The following LUZP2 variants were observed in gnomAD, a reference collection of about 807,000 sequenced individuals.
The protein encoded by LUZP2 is leucine zipper protein 2.
A neutral mutation model predicts 51.6 loss-of-function variants in LUZP2; 52 were observed. That is an observed-to-expected ratio of 1.01 (90% CI 0.81 to 1.27). The LOEUF (loss-of-function observed/expected upper bound fraction) is 1.27, where lower values mean the gene tolerates loss of function less well. LUZP2 is among the 50% of genes most tolerant of loss of function. The pLI is 0.00. For missense variants in LUZP2, 436 were observed against 395.4 expected (o/e 1.10, Z -0.87); for synonymous variants, 154 against 137.3 (o/e 1.12, Z -0.85).
chr11:24,681,531 C>G (rs964867676), intron 1 of LUZP2, among the ~76,000 whole-genome samples: 1 of 152,016 alleles, frequency 6.6e-6, no homozygotes. Context: ...GTGGTAGGAA[C>G]GAAATAGATA....
chr11:24,734,518 TA>T, intron 3 of LUZP2, among the ~76,000 whole-genome samples: 1 of 151,976 alleles, frequency 6.6e-6, no homozygotes, highest in Non-Finnish European at 1.5e-5. Context: ...TAGTTTTATC[TA>T]AAATTAAAAA....
chr11:24,585,602 T>TA (rs535769158), intron 1 of LUZP2, among the ~76,000 whole-genome samples: 3 of 152,174 alleles, frequency 2.0e-5, no homozygotes, highest in East Asian at 3.9e-4. Flanking sequence ...TTTAGAATGT[T>TA]AAAAAAACAA....
intron 1 of LUZP2, among the ~76,000 whole-genome samples, chr11:24,524,566 A>G (rs1850735845): frequency 6.6e-6 from 1 of 151,780 alleles, no homozygotes; most frequent in Non-Finnish European, 1.5e-5. Context: ...ATTTTTACTA[A>G]GCAAGAGCAC....
chr11:24,699,335 T>C (rs974468670), intron 1 of LUZP2, among the ~76,000 whole-genome samples: 4 of 152,162 alleles, frequency 2.6e-5, no homozygotes, highest in African/African-American at 7.2e-5. Context: ...AAATTTTTGG[T>C]GCAAAAACTT....
chr11:24,854,666 T>G (rs1329731909), intron 5 of LUZP2, among the ~76,000 whole-genome samples: 1 of 23,140 alleles, frequency 4.3e-5, no homozygotes. Context: ...CACTGGGATA[T>G]GAAAAAAAAA....
intron 9 of LUZP2, among the ~76,000 whole-genome samples, chr11:25,047,212 C>A (rs953993640): frequency 6.6e-6 from 1 of 152,038 alleles, no homozygotes; most frequent in Non-Finnish European, 1.5e-5. Context: ...TTCTTTTTAA[C>A]CTGTTTCCTC....
At chr11:24,934,067 C>A (rs1445566514) in intron 7 of LUZP2, among the ~76,000 whole-genome samples, 1 of 152,082 alleles carries the variant, frequency 6.6e-6, no homozygotes, top group Non-Finnish European at 1.5e-5. Flanking sequence ...TACATTATCG[C>A]AAGGGCAGGG....
chr11:24,557,826 T>A (rs946839242), intron 1 of LUZP2, among the ~76,000 whole-genome samples: 42 of 152,306 alleles, frequency 2.8e-4, no homozygotes, highest in African/African-American at 9.9e-4. Flanking sequence ...ATTAGGGATA[T>A]TCAGATAGCT....
chr11:24,695,014 A>G (rs1445629136), intron 1 of LUZP2, among the ~76,000 whole-genome samples: 1 of 151,974 alleles, frequency 6.6e-6, no homozygotes, highest in Non-Finnish European at 1.5e-5. Context: ...TGATAAGTGC[A>G]GCAAACCACC....
At chr11:24,512,861 T>A (rs1360184822) in intron 1 of LUZP2, among the ~76,000 whole-genome samples, 2 of 152,100 alleles carry the variant, frequency 1.3e-5, no homozygotes, top group Admixed American at 1.3e-4. Context: ...GCAATTCTCC[T>A]GCCTCAGCCC....
At chr11:24,553,107 G>C (rs1337957384) in intron 1 of LUZP2, among the ~76,000 whole-genome samples, 1 of 151,310 alleles carries the variant, frequency 6.6e-6, no homozygotes, top group Non-Finnish European at 1.5e-5. Context: ...TGAGTCAATG[G>C]GAAATAACAG....
intron 1 of LUZP2, among the ~76,000 whole-genome samples, chr11:24,698,766 T>G (rs1857328459): frequency 6.6e-6 from 1 of 152,036 alleles, no homozygotes; most frequent in African/African-American, 2.4e-5. Context: ...CATCCCTTCT[T>G]AAAACCAGTT....
intron 7 of LUZP2, among the ~76,000 whole-genome samples, chr11:24,971,955 C>T (rs529147134): frequency 6.6e-6 from 1 of 151,864 alleles, no homozygotes; most frequent in South Asian, 2.1e-4. Context: ...GCATGGCCAC[C>T]ATGGCAAGAT....
chr11:24,917,820 T>C (rs1400090829), intron 7 of LUZP2, among the ~76,000 whole-genome samples: 1 of 152,160 alleles, frequency 6.6e-6, no homozygotes, highest in Non-Finnish European at 1.5e-5. Context: ...CAATGCGGGC[T>C]CTTTTTTGGT....
At chr11:24,979,892 T>G (rs1386531731) in intron 8 of LUZP2, among the ~76,000 whole-genome samples, 1 of 151,742 alleles carries the variant, frequency 6.6e-6, no homozygotes, top group East Asian at 1.9e-4. Flanking sequence ...GAATGAGAAA[T>G]CTTTTTGCAA....
At chr11:24,960,022 C>T in intron 7 of LUZP2, among the ~76,000 whole-genome samples, 1 of 152,068 alleles carries the variant, frequency 6.6e-6, no homozygotes, top group Non-Finnish European at 1.5e-5. Context: ...TGGTTTTTGT[C>T]TTTGGTTCTG....
intron 5 of LUZP2, among the ~76,000 whole-genome samples, chr11:24,778,812 A>G (rs570324832): frequency 1.1e-4 from 17 of 152,352 alleles, no homozygotes; most frequent in Admixed American, 2.6e-4. Flanking sequence ...AGGTTTGCAT[A>G]AAATGATCCC....
chr11:24,891,823 G>T, intron 5 of LUZP2: 1 of 840,798 alleles, frequency 1.2e-6, no homozygotes, highest in Non-Finnish European at 1.4e-6. Context: ...ATTGGGATAC[G>T]CTGCAACACT....
intron 7 of LUZP2, among the ~76,000 whole-genome samples, chr11:24,955,709 G>T (rs896223388): frequency 2.0e-5 from 3 of 151,916 alleles, no homozygotes; most frequent in African/African-American, 7.2e-5. Flanking sequence ...CATGACCAGG[G>T]ATATAAGGCA....
Sources: gnomAD v4.1 joint callset for allele counts (sites outside exome capture counted in the v4.1 genomes callset) on GRCh38, gnomAD v4.1.1 for gene constraint, MANE v1.5 for transcripts, NCBI Gene and HGNC (gene_info 2026-07-23, HGNC 2026-07-21) for gene names.